Variants in TRMT9B observed in about 807,000 individuals in gnomAD.
TRMT9B encodes probable tRNA methyltransferase 9B.
In TRMT9B, 16 loss-of-function variants were observed where a neutral mutation model predicts 11.5. The ratio of observed to expected loss-of-function variants is 1.39; its 90% CI spans 0.94 to 2.11. The LOEUF (loss-of-function observed/expected upper bound fraction) is 2.11, where lower values mean the gene tolerates loss of function less well. Among genes scored for constraint, TRMT9B ranks in the 30% most tolerant of loss-of-function variants. The pLI is 0.00. For missense variants in TRMT9B, 941 were observed against 553.8 expected, an observed-to-expected ratio of 1.70 and a Z score of -7.02; for synonymous variants, 274 against 192.4, an observed-to-expected ratio of 1.42 and a Z score of -3.51.
chr8:12,951,266 C>T (rs193051082), intron 1 of TRMT9B: 1 of 152,322 alleles, frequency 6.6e-6, no homozygotes, highest in African/African-American at 2.4e-5. Flanking sequence ...CTTAACCCCC[C>T]CATCTCCAGT....
intron 1 of TRMT9B, among the ~76,000 whole-genome samples, chr8:12,987,836 G>T (rs1037826636): frequency 1.3e-5 from 2 of 152,166 alleles, no homozygotes; most frequent in Non-Finnish European, 2.9e-5. Context: ...TCAAATCTCA[G>T]TTGTCTACAT....
chr8:13,022,525 A>G lies in TRMT9B; in HGVS notation c.*481A>G, dbSNP rs1460366065. On this transcript the variant is annotated 3_prime_UTR_variant, in exon 5 of 5. Coordinates refer to ENST00000524591, the MANE Select transcript of TRMT9B (RefSeq NM_020844.3). ...GCACAGATATACTTTGAACCATGTG[A>G]TGAGTTATCTTGTTGCCAAGGCCTT... is the stretch of plus-strand genomic sequence containing the variant. 2 of 167,404 alleles carry G rather than the reference A, an allele frequency of 1.2e-5. No homozygotes were observed. Among genetic ancestry groups the G allele is most frequent in the Non-Finnish European group, 2.9e-5 (2 of 68,340 alleles). The allele number at this position is 167,404 out of a possible 1,614,324, so 10.4% of individuals were successfully genotyped here.
At chr8:12,950,635 C>A (rs985365740) in intron 1 of TRMT9B, among the ~76,000 whole-genome samples, 1 of 151,888 alleles carries the variant, frequency 6.6e-6, no homozygotes, top group South Asian at 2.1e-4. Context: ...TAAAGAGAAG[C>A]CCAAACAAAG....
rs375034244 is a variant in TRMT9B, at chr8:12,973,181, G to T, written c.-199-17653G>T. ...TGTCAGAATTGCATTGCTTTTTAAG[G>T]CTGAATAATATGAAATCTGGTTTTG... On this transcript the variant is annotated intron_variant, in intron 1 of 4. Transcript: ENST00000524591. Among the ~76,000 whole-genome samples, 8 of 152,282 alleles carry T rather than the reference G, an allele frequency of 5.3e-5. No individual in the cohort carries two copies. In the East Asian group the frequency reaches 1.2e-3, roughly 22 times the overall value.
intron 1 of TRMT9B, among the ~76,000 whole-genome samples, chr8:12,979,469 C>A (rs1258172542): frequency 7.8e-6 from 1 of 127,800 alleles, no homozygotes; most frequent in Non-Finnish European, 1.6e-5. Flanking sequence ...GGATAAGACT[C>A]CATCTCAAAA....
rs973882962 is a variant in TRMT9B, at chr8:13,011,430, C to T, written c.155-1254C>T. On this transcript the variant is annotated intron_variant, in intron 3 of 4. Transcript: ENST00000524591. Reference sequence around the variant, plus strand: ...CCTGATGTATTTCAGAAGCAGCAAACTAATCATCTTTGAATAGTGGTAGAT... The same window carrying T: ...CCTGATGTATTTCAGAAGCAGCAAATTAATCATCTTTGAATAGTGGTAGAT... 15 of 985,238 alleles carry T rather than the reference C, an allele frequency of 1.5e-5. No individual in the cohort carries two copies. The African/African-American group carries it at 2.6e-4, about 17-fold the overall frequency. The allele number at this position is 985,238 out of a possible 1,614,324, so 61.0% of individuals were successfully genotyped here. A position where few individuals can be genotyped will look rare whatever the true frequency, so the allele number is the denominator to read the frequency against.
At chr8:12,983,093 G>A (rs1805681659) in intron 1 of TRMT9B, among the ~76,000 whole-genome samples, 1 of 152,122 alleles carries the variant, frequency 6.6e-6, no homozygotes, top group Non-Finnish European at 1.5e-5. Flanking sequence ...TAAAGATATT[G>A]TTGAAAATGT....
In TRMT9B at chr8:13,027,674, C is replaced by G. The variant is rs1225516070; in HGVS notation, c.*5630C>G. On this transcript the variant is annotated 3_prime_UTR_variant, in exon 5 of 5. Coordinates refer to ENST00000524591, the MANE Select transcript of TRMT9B (RefSeq NM_020844.3). ...ATTCCCTAGATATATACTTGGATTT[C>G]AAATGCCATAATTGTAATCTTTCTC... is the stretch of plus-strand genomic sequence containing the variant. 6.0e-6 allele frequency: 1 copy of G among 167,018 alleles called. No individual in the cohort carries two copies. Among genetic ancestry groups the G allele is most frequent in the Admixed American group, 6.5e-5 (1 of 15,268 alleles). The allele number at this position is 167,018 out of a possible 1,614,324, so 10.3% of individuals were successfully genotyped here. A position where few individuals can be genotyped will look rare whatever the true frequency, so the allele number is the denominator to read the frequency against.
rs1455948989 is a variant in TRMT9B at position 13,026,349 on chromosome 8, G to C, written c.*4305G>C. The stretch of plus-strand genomic sequence containing the variant: ...CAATGAGAACACATGGACACAGTAA[G>C]GGGAACATCACACACTGGGACCTGT... On this transcript the variant is annotated 3_prime_UTR_variant, in exon 5 of 5. Transcript: ENST00000524591. 1.2e-5 allele frequency: 2 copies of C among 167,048 alleles called. No homozygotes were observed. The highest frequency in any genetic ancestry group is 4.8e-5 in the African/African-American group (2 of 41,404). The allele number at this position is 167,048 out of a possible 1,614,324, so 10.3% of individuals were successfully genotyped here. A position where few individuals can be genotyped will look rare whatever the true frequency, so the allele number is the denominator to read the frequency against.
At chr8:12,952,942 G>A (rs1230887356) in intron 1 of TRMT9B, among the ~76,000 whole-genome samples, 2 of 152,180 alleles carry the variant, frequency 1.3e-5, no homozygotes, top group Non-Finnish European at 2.9e-5. Flanking sequence ...GTTTCACCAT[G>A]TTGGTCAGGC....
intron 1 of TRMT9B, among the ~76,000 whole-genome samples, chr8:12,971,825 A>G (rs1344095899): frequency 6.6e-6 from 1 of 152,212 alleles, no homozygotes; most frequent in Non-Finnish European, 1.5e-5. Flanking sequence ...TAGTGTTTAA[A>G]TATTTCCTAT....
intron 2 of TRMT9B, among the ~76,000 whole-genome samples, chr8:12,994,318 T>C (rs1176701625): frequency 2.0e-5 from 3 of 152,380 alleles, no homozygotes; most frequent in Admixed American, 6.5e-5. Context: ...CCCTCTGCTC[T>C]TTCAAACTAA....
chr8:12,976,816 G>C (rs2460904), intron 1 of TRMT9B, among the ~76,000 whole-genome samples: 2 of 151,862 alleles, frequency 1.3e-5, no homozygotes, highest in Non-Finnish European at 2.9e-5. Context: ...AACTTGGCAT[G>C]ACTTTAAACC....
At chr8:13,010,137 G>GAA (rs77013467) in intron 3 of TRMT9B, 239 of 463,964 alleles carry the variant, frequency 5.2e-4, no homozygotes, top group Middle Eastern at 1.1e-3. Flanking sequence ...GACCCTATCT[G>GAA]AAAAAAAAAA....
intron 2 of TRMT9B, among the ~76,000 whole-genome samples, chr8:13,005,480 C>T (rs1810289919): frequency 6.6e-6 from 1 of 152,208 alleles, no homozygotes; most frequent in East Asian, 1.9e-4. Context: ...GTGATGAACA[C>T]CCCATTCTCC....
chr8:12,969,597 C>T (rs1267453497), intron 1 of TRMT9B, among the ~76,000 whole-genome samples: 1 of 152,070 alleles, frequency 6.6e-6, no homozygotes, highest in Non-Finnish European at 1.5e-5. Context: ...AATAATGTAT[C>T]TCTTATTTGT....
intron 2 of TRMT9B, among the ~76,000 whole-genome samples, chr8:13,000,650 G>T (rs1046460211): frequency 6.6e-5 from 10 of 152,110 alleles, no homozygotes; most frequent in African/African-American, 1.7e-4. Flanking sequence ...ATTCAATTTT[G>T]GGGGTTTGTT....
chr8:12,979,250 G>A (rs1273457604), intron 1 of TRMT9B, among the ~76,000 whole-genome samples: 1 of 152,180 alleles, frequency 6.6e-6, no homozygotes, highest in Non-Finnish European at 1.5e-5. Flanking sequence ...TGCAGGCAAT[G>A]CCCTGACTTT....
chr8:12,986,272 G>T (rs141395242), intron 1 of TRMT9B, among the ~76,000 whole-genome samples: 1 of 151,886 alleles, frequency 6.6e-6, no homozygotes, highest in East Asian at 1.9e-4. Context: ...ACCTCCTGTC[G>T]CATTTCCTCT....
Sources: gnomAD v4.1 joint callset for allele counts (sites outside exome capture counted in the v4.1 genomes callset) on GRCh38, gnomAD v4.1.1 for gene constraint, MANE v1.5 for transcripts, NCBI Gene and HGNC (gene_info 2026-07-23, HGNC 2026-07-21) for gene names.